Variants in TRIO observed in about 807,000 individuals in gnomAD.
TRIO encodes triple functional domain protein.
TRIO carries 58 observed loss-of-function variants against 351.9 expected under a neutral mutation model. That is an observed-to-expected ratio of 0.16 (90% confidence interval 0.13 to 0.21). TRIO has a LOEUF of 0.21. Among genes scored for constraint, TRIO ranks in the 10% least tolerant of loss-of-function variants. TRIO has a pLI of 1.00. For synonymous variants in TRIO, 1,758 were observed against 1,595.7 expected (o/e 1.10, Z -2.42); for missense variants, 3,201 against 4,027.8 (o/e 0.79, Z 5.56).
At chr5:14,489,007 T>A (rs1263546717) in intron 48 of TRIO, 1 of 765,250 alleles carries the variant, frequency 1.3e-6, no homozygotes, top group Admixed American at 1.7e-5. Flanking sequence ...TTCCTCACTG[T>A]CCTACCCACC....
chr5:14,267,243 A>G (rs73751322), intron 1 of TRIO, among the ~76,000 whole-genome samples: 3,507 of 152,048 alleles, frequency 0.023, 139 homozygotes, highest in African/African-American at 0.081. Context: ...ACCCCCTTCC[A>G]CCTATTTAAG....
At chr5:14,353,269 A>C (rs1251528519) in intron 11 of TRIO, among the ~76,000 whole-genome samples, 1 of 140,272 alleles carries the variant, frequency 7.1e-6, no homozygotes, top group African/African-American at 2.7e-5. Context: ...CTTCTAAGCA[A>C]CTTTTTTTTT....
In TRIO at chr5:14,497,032, C is replaced by T. The variant is rs1756943791; in HGVS notation, c.8019+15C>T. The T allele has an allele frequency of 6.2e-7, 1 of 1,612,864 alleles. No homozygotes were observed. Among genetic ancestry groups the T allele is most frequent in the Non-Finnish European group, 8.5e-7 (1 of 1,179,428 alleles). On this transcript the variant is annotated intron_variant, in intron 50 of 56. Transcript: ENST00000344204. This position sits in a 1 kb window ranked among gnomAD's most constrained non-coding sequence, Gnocchi z 4.4. The stretch of plus-strand genomic sequence containing the variant: ...TATCTGTGAAGGTGTGTTCGGGGGT[C>T]TTCAGGAGTCCGTGTCATCCCAGCA...
rs114527742 is a variant in TRIO at position 14,249,012 on chromosome 5, G to C, written c.158-21813G>C. Among the ~76,000 whole-genome samples the C allele has an allele frequency of 1.0e-2, 1,519 of 152,306 alleles. 25 individuals are homozygous for C. Among genetic ancestry groups the C allele is most frequent in the African/African-American group, 0.034 (1,426 of 41,564 alleles). On this transcript the variant is annotated intron_variant, in intron 1 of 56. Coordinates refer to ENST00000344204, the MANE Select transcript of TRIO (RefSeq NM_007118.4). ...GTGAGGTGCTATGCTCAACACAGGG[G>C]TCCAGGTGAGCTAGATGTACATAGT...
At chr5:14,192,259 TC>T (rs147442641) in intron 1 of TRIO, among the ~76,000 whole-genome samples, 14,322 of 151,266 alleles carry the variant, frequency 0.095, 788 homozygotes, top group African/African-American at 0.14. Flanking sequence ...TTTTCCTTCT[TC>T]TTTTTTTTTT....
intron 33 of TRIO, among the ~76,000 whole-genome samples, chr5:14,418,298 A>C (rs1412075989): frequency 6.6e-6 from 1 of 152,130 alleles, no homozygotes; most frequent in Non-Finnish European, 1.5e-5. Context: ...AGGGTTTTGC[A>C]TAAGAGGATG....
At chr5:14,241,651 T>C (rs1196742421) in intron 1 of TRIO, among the ~76,000 whole-genome samples, 1 of 152,248 alleles carries the variant, frequency 6.6e-6, no homozygotes, top group African/African-American at 2.4e-5. Context: ...GGATGCTTCA[T>C]ATTTTATATT....
At chr5:14,468,074 G>A (rs1754403160) in intron 37 of TRIO, among the ~76,000 whole-genome samples, 1 of 152,138 alleles carries the variant, frequency 6.6e-6, no homozygotes, top group African/African-American at 2.4e-5. Flanking sequence ...CCACTATTCT[G>A]CAGCTGTTTA....
chr5:14,476,684 C>T (rs1561534664), intron 40 of TRIO, among the ~76,000 whole-genome samples: 1 of 151,600 alleles, frequency 6.6e-6, no homozygotes, highest in Admixed American at 6.6e-5. Flanking sequence ...ACCCCAGCTA[C>T]TTGGGAGGCT....
chr5:14,254,184 C>A (rs571030481), intron 1 of TRIO, among the ~76,000 whole-genome samples: 83 of 151,110 alleles, frequency 5.5e-4, no homozygotes, highest in African/African-American at 1.9e-3. Context: ...CAATAGTTCT[C>A]CCCCCCTCCC....
intron 1 of TRIO, among the ~76,000 whole-genome samples, chr5:14,228,780 AG>A (rs2152218354): frequency 6.6e-6 from 1 of 152,312 alleles, no homozygotes; most frequent in East Asian, 1.9e-4. Context: ...CTGAAGCAGG[AG>A]AATCGCTTGA....
At chr5:14,260,298 A>C (rs901696066) in intron 1 of TRIO, among the ~76,000 whole-genome samples, 1 of 152,244 alleles carries the variant, frequency 6.6e-6, no homozygotes, top group East Asian at 1.9e-4. Flanking sequence ...TACACATAAC[A>C]GTGTGTTTTG....
intron 34 of TRIO, among the ~76,000 whole-genome samples, chr5:14,445,788 C>G (rs1309919147): frequency 6.6e-6 from 1 of 152,224 alleles, no homozygotes; most frequent in Non-Finnish European, 1.5e-5. Context: ...GGCACAGAAG[C>G]AGGCGTGCAG....
rs1277585236 is a variant in TRIO, at chr5:14,508,026, G to A, written c.8898G>A (p.Gly2966=). The A allele has an allele frequency of 1.2e-6, 2 of 1,614,080 alleles. No homozygotes were observed. Among genetic ancestry groups the A allele is most frequent in the African/African-American group, 2.7e-5 (2 of 74,920 alleles). ...TCGCAGCCCCTGAAATCATCCTCGG[G>A]AACCCTGTCTCCCTGACCTCGGATA... ...PEFAAPEIIL[G]NPVSLTSDTW... Residue 2966 remains glycine (G), a synonymous_variant, in exon 57 of 57, where the codon GGG becomes GGA. Coordinates refer to ENST00000344204, the MANE Select transcript of TRIO (RefSeq NM_007118.4).
chr5:14,396,605 G>C (rs934744141), intron 28 of TRIO, among the ~76,000 whole-genome samples: 2 of 150,970 alleles, frequency 1.3e-5, no homozygotes, highest in Non-Finnish European at 3.0e-5. Flanking sequence ...AAGTAGCTGG[G>C]ATTACAGGTG....
At chr5:14,462,988 G>T in intron 36 of TRIO, 63 bp downstream of exon 36, 1 of 1,482,446 alleles carries the variant, frequency 6.7e-7, no homozygotes, top group South Asian at 1.4e-5. Context: ...ACGCTCGGTA[G>T]CTGCTTCACA....
At position 14,336,499 on chromosome 5, in the gene TRIO, C is replaced by G. The variant is rs200825011; in HGVS notation, c.1855-37C>G. ...CCCAGCCTGGCTGGTCTGCTTTTCA[C>G]TTACCTTCTGTTTCTCTGGGATGTT... On this transcript the variant is annotated intron_variant, in intron 10 of 56. Coordinates refer to ENST00000344204, the MANE Select transcript of TRIO (RefSeq NM_007118.4). The G allele has an allele frequency of 2.5e-6, 4 of 1,605,180 alleles. No individual in the cohort carries two copies. In the African/African-American group the frequency reaches 4.0e-5, roughly 16 times the overall value.
intron 18 of TRIO, among the ~76,000 whole-genome samples, chr5:14,373,128 T>A (rs962461584): frequency 6.6e-6 from 1 of 152,194 alleles, no homozygotes; most frequent in Admixed American, 6.5e-5. Context: ...GAGAACAGCA[T>A]GGGGGACCAC....
chr5:14,247,083 C>T (rs1794483333), intron 1 of TRIO, among the ~76,000 whole-genome samples: 2 of 152,264 alleles, frequency 1.3e-5, no homozygotes, highest in Non-Finnish European at 2.9e-5. Context: ...CCCCCTTCCC[C>T]ACAGCTCAGC....
Sources: gnomAD v4.1 joint callset for allele counts (sites outside exome capture counted in the v4.1 genomes callset) on GRCh38, gnomAD v4.1.1 for gene constraint, Gnocchi (gnomAD v3.1) non-coding constraint, MANE v1.5 for transcripts, NCBI Gene and HGNC (gene_info 2026-07-23, HGNC 2026-07-21) for gene names.